Variants in HECW2 observed in about 807,000 individuals in gnomAD.
The protein encoded by HECW2 is E3 ubiquitin-protein ligase HECW2.
HECW2 carries 61 observed loss-of-function variants against 175.2 expected under a neutral mutation model. The observed-to-expected ratio is 0.35, with a 90% CI of 0.28 to 0.43. HECW2 has a LOEUF of 0.43. Ranked by LOEUF, HECW2 falls within the 20% of genes least tolerant of loss-of-function variation. The pLI, the probability that HECW2 is intolerant of heterozygous loss-of-function variation, is 1.00. For missense variants in HECW2, 1,524 were observed against 2,000.5 expected (o/e 0.76, Z 4.54); for synonymous variants, 671 against 731.0 (o/e 0.92, Z 1.32).
intron 17 of HECW2, among the ~76,000 whole-genome samples, chr2:196,259,269 G>A (rs1266155325): frequency 2.0e-5 from 3 of 152,164 alleles, no homozygotes; most frequent in Non-Finnish European, 2.9e-5. Flanking sequence ...CACCATGCCT[G>A]GCCAAGTTGC....
rs13430780 is a variant in HECW2, at chr2:196,343,855, A to G, written c.293-91T>C. On this transcript the variant is annotated intron_variant, in intron 2 of 28. Transcript: ENST00000644978. ...ACATAAGTTCTAAAATAAATGGAAAAAAGATAAATGAGAAAATATAATGCA... is the reference window on the plus strand; with the variant it reads ...ACATAAGTTCTAAAATAAATGGAAAGAAGATAAATGAGAAAATATAATGCA... 3,285 of 848,222 alleles carry G rather than the reference A, an allele frequency of 3.9e-3. 88 individuals carry two copies. The African/African-American group carries it at 0.049, about 13-fold the overall frequency. The allele number at this position is 848,222 out of a possible 1,614,324, so 52.5% of individuals were successfully genotyped here. A position where few individuals can be genotyped will look rare whatever the true frequency, so the allele number is the denominator to read the frequency against.
intron 3 of HECW2, among the ~76,000 whole-genome samples, chr2:196,337,523 G>T (rs1692591784): frequency 6.6e-6 from 1 of 150,744 alleles, no homozygotes; most frequent in Non-Finnish European, 1.5e-5. Context: ...GCCTGATGTG[G>T]CAGGCAACAT....
intron 18 of HECW2, among the ~76,000 whole-genome samples, chr2:196,254,758 T>C (rs1308300819): frequency 2.0e-5 from 3 of 152,232 alleles, no homozygotes; most frequent in Non-Finnish European, 2.9e-5. Flanking sequence ...AGTTCTTATG[T>C]ATCATTAGGT....
chr2:196,312,250 G>A (rs1691524640), intron 10 of HECW2, among the ~76,000 whole-genome samples: 1 of 151,974 alleles, frequency 6.6e-6, no homozygotes, highest in African/African-American at 2.4e-5. Context: ...GGATGGGTGG[G>A]GGGGTGCTAT....
In HECW2 at chr2:196,525,664, G is replaced by A. The variant is rs1688613791; in HGVS notation, c.-36+67844C>T. Among the ~76,000 whole-genome samples, 3 of 150,556 alleles carry A rather than the reference G, an allele frequency of 2.0e-5. No individual in the cohort carries two copies. In the South Asian group the frequency reaches 6.4e-4, roughly 32 times the overall value. ...TGCTTCCTTCAGGAGCTCTTTTAGG[G>A]CAGGCCTGGTGGTGACAAAATCTCT... On this transcript the variant is annotated intron_variant, in intron 1 of 28. Coordinates refer to ENST00000644978, the MANE Select transcript of HECW2 (RefSeq NM_001348768.2).
chr2:196,375,619 T>C (rs1694030661), intron 2 of HECW2, among the ~76,000 whole-genome samples: 1 of 152,226 alleles, frequency 6.6e-6, no homozygotes, highest in African/African-American at 2.4e-5. Context: ...AAGTGTATAC[T>C]TGAGAATCAA....
intron 2 of HECW2, among the ~76,000 whole-genome samples, chr2:196,346,604 G>A (rs961555953): frequency 2.0e-5 from 3 of 152,162 alleles, no homozygotes; most frequent in African/African-American, 4.8e-5. Context: ...CAAGCCTAGA[G>A]TTAAGTGTTC....
chr2:196,197,494 GT>G lies in HECW2; in HGVS notation c.*3782del, dbSNP rs1686729327. Reference sequence around the variant, plus strand: ...CAAAAGCAATCACATTTTGCCTTCTGTTTTTTAAATTTCTCATGTCAAGTCA... The same window carrying G: ...CAAAAGCAATCACATTTTGCCTTCTGTTTTTAAATTTCTCATGTCAAGTCA... On this transcript the variant is annotated 3_prime_UTR_variant, in exon 29 of 29. Coordinates refer to ENST00000644978, the MANE Select transcript of HECW2 (RefSeq NM_001348768.2). 1 of 152,000 alleles carries G rather than the reference GT, an allele frequency of 6.6e-6. No homozygotes were observed. The highest frequency in any genetic ancestry group is 6.6e-5 in the Admixed American group (1 of 15,232). 9.4% of individuals were successfully genotyped at this position (152,000 alleles called of 1,614,324 possible).
intron 2 of HECW2, among the ~76,000 whole-genome samples, chr2:196,385,299 C>T (rs887008827): frequency 5.3e-5 from 8 of 152,074 alleles, no homozygotes; most frequent in South Asian, 2.1e-4. Flanking sequence ...TTACAAGCCC[C>T]GGCTCATTTA....
intron 10 of HECW2, among the ~76,000 whole-genome samples, chr2:196,311,798 AAAC>A (rs894507499): frequency 9.2e-5 from 14 of 152,250 alleles, no homozygotes; most frequent in African/African-American, 2.2e-4. Context: ...TTCCATCTCA[AAAC>A]AACAACAACA....
intron 2 of HECW2, among the ~76,000 whole-genome samples, chr2:196,347,929 T>C (rs937622416): frequency 1.3e-5 from 2 of 152,266 alleles, no homozygotes; most frequent in African/African-American, 2.4e-5. Flanking sequence ...ATTGCAAATA[T>C]GAATCCTGAG....
chr2:196,335,421 G>T (rs1024722642), intron 3 of HECW2, among the ~76,000 whole-genome samples: 1 of 152,180 alleles, frequency 6.6e-6, no homozygotes, highest in Non-Finnish European at 1.5e-5. Context: ...TTCTAAATAT[G>T]CAAGGATGCT....
Position 196,267,385 on chromosome 2 carries a change from A to G in HECW2, c.3335+3808T>C, listed in dbSNP as rs545553895. ...AGAACTTTTTTTCAGCTTTTATTTT[A>G]GTGTCATAGCATACAAACATCTTCT... On this transcript the variant is annotated intron_variant, in intron 17 of 28. Transcript: ENST00000644978. Among the ~76,000 whole-genome samples, 9 of 152,288 alleles carry G rather than the reference A, an allele frequency of 5.9e-5. No homozygotes were observed. The South Asian group carries it at 1.9e-3, about 32-fold the overall frequency.
intron 1 of HECW2, among the ~76,000 whole-genome samples, chr2:196,467,320 T>C (rs1215156529): frequency 6.6e-6 from 1 of 152,200 alleles, no homozygotes; most frequent in African/African-American, 2.4e-5. Context: ...TTCTTAGTAT[T>C]ATTAGCCTCT....
chr2:196,395,657 A>G (rs1694639211), intron 2 of HECW2, among the ~76,000 whole-genome samples: 1 of 152,016 alleles, frequency 6.6e-6, no homozygotes, highest in African/African-American at 2.4e-5. Context: ...GGAAAATGCA[A>G]GCCAAAATCA....
chr2:196,208,053 T>C (rs1380925661), intron 28 of HECW2, among the ~76,000 whole-genome samples: 1 of 152,218 alleles, frequency 6.6e-6, no homozygotes, highest in Non-Finnish European at 1.5e-5. Context: ...GAAACCCCTG[T>C]AAGTCCAAAC....
At position 196,200,069 on chromosome 2, in the gene HECW2, C is replaced by T. The variant is rs1041553738; in HGVS notation, c.*1208G>A. ...AAATACGAAATATCTGTATTAAATGCCATCCTGTAAAGTATTTGATGGATG... is the reference window on the plus strand; with the variant it reads ...AAATACGAAATATCTGTATTAAATGTCATCCTGTAAAGTATTTGATGGATG... On this transcript the variant is annotated 3_prime_UTR_variant, in exon 29 of 29. Coordinates refer to ENST00000644978, the MANE Select transcript of HECW2 (RefSeq NM_001348768.2). 3 of 152,520 alleles carry T rather than the reference C, an allele frequency of 2.0e-5. No individual in the cohort carries two copies. The highest frequency in any genetic ancestry group is 4.4e-5 in the Non-Finnish European group (3 of 68,016). The allele number at this position is 152,520 out of a possible 1,614,324, so 9.4% of individuals were successfully genotyped here. A position where few individuals can be genotyped will look rare whatever the true frequency, so the allele number is the denominator to read the frequency against.
chr2:196,579,881 G>A (rs1430871960), intron 1 of HECW2, among the ~76,000 whole-genome samples: 5 of 152,246 alleles, frequency 3.3e-5, no homozygotes, highest in Admixed American at 6.5e-5. Context: ...AACCAAACTT[G>A]CCAACACCTT....
At chr2:196,302,310 T>C (rs183948918) in intron 13 of HECW2, among the ~76,000 whole-genome samples, 9 of 152,338 alleles carry the variant, frequency 5.9e-5, no homozygotes, top group Admixed American at 4.6e-4. Flanking sequence ...GTTACTAGTA[T>C]AGTTAGAAAT....
Sources: gnomAD v4.1 joint callset for allele counts (sites outside exome capture counted in the v4.1 genomes callset) on GRCh38, gnomAD v4.1.1 for gene constraint, MANE v1.5 for transcripts, NCBI Gene and HGNC (gene_info 2026-07-23, HGNC 2026-07-21) for gene names.